Variants in SLC22A23 observed in about 807,000 individuals in gnomAD.
The protein encoded by SLC22A23 is solute carrier family 22 member 23.
SLC22A23 carries 26 observed loss-of-function variants against 61.0 expected under a neutral mutation model. The observed-to-expected ratio is 0.43, with a 90% CI of 0.31 to 0.59. SLC22A23 has a LOEUF of 0.59. Among genes scored for constraint, SLC22A23 ranks in the 20% least tolerant of loss-of-function variants. The pLI, the probability that SLC22A23 is intolerant of heterozygous loss-of-function variation, is 0.11. For missense variants in SLC22A23, 796 were observed against 934.7 expected, an observed-to-expected ratio of 0.85 and a Z score of 1.94; for synonymous variants, 430 against 413.9, an observed-to-expected ratio of 1.04 and a Z score of -0.47.
chr6:3,375,824 ATATC>A (rs1262616699), intron 3 of SLC22A23, among the ~76,000 whole-genome samples: 1 of 152,194 alleles, frequency 6.6e-6, no homozygotes, highest in Non-Finnish European at 1.5e-5. Context: ...CCAGGTACAA[ATATC>A]TATCTATCAA....
rs148910234 is a variant in SLC22A23 at position 3,399,346 on chromosome 6, T to G, written c.913+10842A>C. On this transcript the variant is annotated intron_variant, in intron 3 of 9. Transcript: ENST00000406686. ...AATCGGAATGTGGTTCCTGAACTGTTTTTCCCCCAGAAGAGCCATTTGAAA... is the reference window on the plus strand; with the variant it reads ...AATCGGAATGTGGTTCCTGAACTGTGTTTCCCCCAGAAGAGCCATTTGAAA... Among the ~76,000 whole-genome samples the G allele has an allele frequency of 5.3e-5, 8 of 152,280 alleles. No individual in the cohort carries two copies. In the East Asian group the frequency reaches 1.5e-3, roughly 29 times the overall value.
At chr6:3,411,118 C>T (rs531271512) in intron 2 of SLC22A23, among the ~76,000 whole-genome samples, 13 of 152,320 alleles carry the variant, frequency 8.5e-5, no homozygotes, top group African/African-American at 2.6e-4. Context: ...CCTGGGAGGA[C>T]AGTAGAGGGT....
At chr6:3,409,045 A>G (rs766434625) in intron 3 of SLC22A23, among the ~76,000 whole-genome samples, 1 of 152,350 alleles carries the variant, frequency 6.6e-6, no homozygotes, top group East Asian at 1.9e-4. Context: ...TTCAAGCCCA[A>G]TACTCGCATT....
At chr6:3,411,091 G>C (rs767668532) in intron 2 of SLC22A23, among the ~76,000 whole-genome samples, 1 of 152,198 alleles carries the variant, frequency 6.6e-6, no homozygotes, top group Non-Finnish European at 1.5e-5. Flanking sequence ...ACTAGGGGGC[G>C]ATGTGCTTCT....
rs973876098 is a variant in SLC22A23, at chr6:3,272,315, C to T, written c.*740G>A. The T allele has an allele frequency of 6.5e-6, 1 of 152,756 alleles. No individual in the cohort carries two copies. Among genetic ancestry groups the T allele is most frequent in the Non-Finnish European group, 1.5e-5 (1 of 68,056 alleles). 9.5% of individuals were successfully genotyped at this position (152,756 alleles called of 1,614,324 possible). A position where few individuals can be genotyped will look rare whatever the true frequency, so the allele number is the denominator to read the frequency against. Reference sequence around the variant, plus strand: ...TCTCGACGCATCTGTTAGCTGTGTACTCACAAAGCTGTGGCGATATGACTG... The same window carrying T: ...TCTCGACGCATCTGTTAGCTGTGTATTCACAAAGCTGTGGCGATATGACTG... On this transcript the variant is annotated 3_prime_UTR_variant, in exon 10 of 10. Transcript: ENST00000406686.
rs970616872 is a variant in SLC22A23, at chr6:3,285,203, C to A, written c.1547-92G>T. 3.2e-6 allele frequency: 5 copies of A among 1,552,876 alleles called. No individual in the cohort carries two copies. The South Asian group carries it at 5.9e-5, about 18-fold the overall frequency. On this transcript the variant is annotated intron_variant, in intron 7 of 9. Coordinates refer to ENST00000406686, the MANE Select transcript of SLC22A23 (RefSeq NM_015482.2). ...CACATTAGGTGTGGAGTTAGCCTAG[C>A]GTGTTCCCATGCGACTTGGTTCAAG...
chr6:3,361,371 C>T (rs1765436423), intron 3 of SLC22A23, among the ~76,000 whole-genome samples: 1 of 151,828 alleles, frequency 6.6e-6, no homozygotes, highest in African/African-American at 2.4e-5. Flanking sequence ...GCCTGTCCTC[C>T]TCTCTTGAGA....
intron 3 of SLC22A23, among the ~76,000 whole-genome samples, chr6:3,373,129 T>C (rs945971346): frequency 6.6e-6 from 1 of 152,218 alleles, no homozygotes; most frequent in Non-Finnish European, 1.5e-5. Context: ...GCTTTCCTTC[T>C]GGGAGTCTGG....
In SLC22A23 at chr6:3,283,779, C is replaced by G; in HGVS notation, c.1703+73G>C. 5 of 1,599,598 alleles carry G rather than the reference C, an allele frequency of 3.1e-6. No individual in the cohort carries two copies. In the South Asian group the frequency reaches 5.5e-5, roughly 18 times the overall value. On this transcript the variant is annotated intron_variant, in intron 9 of 9. Coordinates refer to ENST00000406686, the MANE Select transcript of SLC22A23 (RefSeq NM_015482.2). ...AGAGCTGACGCTGGTTAATCCCACA[C>G]CAGCCTGGAGCCAGGGACTCGTCTT... is the stretch of plus-strand genomic sequence containing the variant.
At chr6:3,356,344 T>C (rs769813778) in intron 3 of SLC22A23, among the ~76,000 whole-genome samples, 1 of 151,366 alleles carries the variant, frequency 6.6e-6, no homozygotes, top group African/African-American at 2.4e-5. Context: ...GGTAAAACAG[T>C]GTCTTAGATC....
intron 3 of SLC22A23, among the ~76,000 whole-genome samples, chr6:3,353,820 A>G (rs1764916046): frequency 6.6e-6 from 1 of 152,156 alleles, no homozygotes; most frequent in Non-Finnish European, 1.5e-5. Context: ...TAGTAGAGGC[A>G]GACTCTCCCT....
intron 3 of SLC22A23, among the ~76,000 whole-genome samples, chr6:3,326,958 C>A (rs1240246635): frequency 1.3e-5 from 2 of 152,000 alleles, no homozygotes; most frequent in Non-Finnish European, 2.9e-5. Flanking sequence ...CCTTGAGTCC[C>A]GGCATCCATC....
At chr6:3,395,261 G>T (rs4959821) in intron 3 of SLC22A23, among the ~76,000 whole-genome samples, 112,134 of 152,028 alleles carry the variant, frequency 0.74, 42,212 homozygotes, top group Middle Eastern at 0.82. Context: ...GGATTTATAC[G>T]CACCAAAGGC....
chr6:3,399,629 T>C (rs755076117), intron 3 of SLC22A23, among the ~76,000 whole-genome samples: 3 of 152,098 alleles, frequency 2.0e-5, no homozygotes, highest in Non-Finnish European at 2.9e-5. Flanking sequence ...TTACAGGCGT[T>C]TTTAGGGATT....
At chr6:3,326,727 G>A (rs919118507) in intron 3 of SLC22A23, among the ~76,000 whole-genome samples, 3 of 152,254 alleles carry the variant, frequency 2.0e-5, no homozygotes, top group African/African-American at 7.2e-5. Context: ...GCCATCTGCA[G>A]TTAACTACCT....
intron 1 of SLC22A23, among the ~76,000 whole-genome samples, chr6:3,443,873 GTGGGAACCGAGCTCACT>G (rs2127553742): frequency 6.6e-6 from 1 of 152,300 alleles, no homozygotes; most frequent in African/African-American, 2.4e-5. Flanking sequence ...CCAGTTTGAA[GTGGGAACCGAGCTCACT>G]TCTGGAGAAT....
At chr6:3,279,536 A>AAAAAAAAAAAAAAAAAAAC (rs1581590018) in intron 9 of SLC22A23, among the ~76,000 whole-genome samples, 2 of 146,950 alleles carry the variant, frequency 1.4e-5, no homozygotes, top group Admixed American at 6.7e-5. Flanking sequence ...AAAAAAAAAA[A>AAAAAAAAAAAAAAAAAAAC]TCCTTGACAT....
At chr6:3,336,526 C>T (rs1261590057) in intron 3 of SLC22A23, among the ~76,000 whole-genome samples, 1 of 152,232 alleles carries the variant, frequency 6.6e-6, no homozygotes, top group African/African-American at 2.4e-5. Context: ...TCACAGGCTG[C>T]TCTTCTCACA....
intron 3 of SLC22A23, among the ~76,000 whole-genome samples, chr6:3,373,869 C>T (rs910243907): frequency 6.6e-6 from 1 of 152,202 alleles, no homozygotes; most frequent in Non-Finnish European, 1.5e-5. Context: ...GAACAGTGGA[C>T]ACTCATCTGG....
Sources: gnomAD v4.1 joint callset for allele counts (sites outside exome capture counted in the v4.1 genomes callset) on GRCh38, gnomAD v4.1.1 for gene constraint, MANE v1.5 for transcripts, NCBI Gene and HGNC (gene_info 2026-07-23, HGNC 2026-07-21) for gene names.